The following MGST1 variants were observed in gnomAD, a reference collection of about 807,000 sequenced individuals.
MGST1 encodes the protein microsomal glutathione S-transferase 1, also known as glutathione S-transferase 12.
MGST1 carries 5 observed loss-of-function variants against 8.9 expected under a neutral mutation model. That is an observed-to-expected ratio of 0.56 (90% confidence interval 0.29 to 1.19). The LOEUF is 1.19. MGST1 is among the 50% of genes most tolerant of loss of function. MGST1 has a pLI of 0.08. For missense variants in MGST1, 182 were observed against 187.4 expected (o/e 0.97, Z 0.17); for synonymous variants, 54 against 67.8 (o/e 0.80, Z 1.00).
downstream of MGST1, among the ~76,000 whole-genome samples, chr12:16,382,122 C>G (rs183053020): frequency 4.8e-3 from 726 of 152,252 alleles, 6 homozygotes; most frequent in Admixed American, 7.2e-3. Context: ...TCATCTGAAG[C>G]CTTCTTCTCT....
rs574426853 is a variant in MGST1 at position 16,421,175 on chromosome 12, C to T, written n.779-16213C>T. ...TATACCCGTGGCTGCTGCACATATCCATTTATCAATAAATTTGGGGAAGGG... is the reference window on the plus strand; with the variant it reads ...TATACCCGTGGCTGCTGCACATATCTATTTATCAATAAATTTGGGGAAGGG... On this transcript the variant is annotated intron_variant and non_coding_transcript_variant, in intron 1 of 1. Coordinates refer to the MGST1 transcript ENST00000359720. 1.4e-3 allele frequency among the ~76,000 whole-genome samples: 212 copies of T among 152,204 alleles called. 1 individual carries two copies. The highest frequency in any genetic ancestry group is 2.5e-3 in the Non-Finnish European group (173 of 68,010).
intron 1 of MGST1, among the ~76,000 whole-genome samples, chr12:16,398,448 C>T (rs1319489035): frequency 6.6e-6 from 1 of 151,980 alleles, no homozygotes; most frequent in Non-Finnish European, 1.5e-5. Flanking sequence ...ATTCTAGGCC[C>T]AAGGCATGAC....
At chr12:16,484,786 A>T (rs758760064) in intron 4 of MGST1, among the ~76,000 whole-genome samples, 1 of 151,000 alleles carries the variant, frequency 6.6e-6, no homozygotes, top group Non-Finnish European at 1.5e-5. Context: ...AACACTGGGG[A>T]TTACAATGTG....
rs1258843172 is a variant in MGST1, at chr12:16,389,945, G to A, written n.778+6341G>A. On this transcript the variant is annotated intron_variant and non_coding_transcript_variant, in intron 1 of 1. Transcript: ENST00000359720. The surrounding 1 kb of genome is among the most constrained non-coding windows in gnomAD (Gnocchi z 4.6). The stretch of plus-strand genomic sequence containing the variant: ...AAAGAGAGCAATGCTCTTGTGAAAA[G>A]GGAGTTGAAGTGCAATACAGACTGC... 6.6e-6 allele frequency among the ~76,000 whole-genome samples: 1 copy of A among 152,196 alleles called. No homozygotes were observed. Among genetic ancestry groups the A allele is most frequent in the African/African-American group, 2.4e-5 (1 of 41,444 alleles).
intron 3 of MGST1, among the ~76,000 whole-genome samples, chr12:16,371,144 T>C (rs1437754309): frequency 6.6e-6 from 1 of 152,120 alleles, no homozygotes; most frequent in South Asian, 2.1e-4. Flanking sequence ...GTGCTAGTAG[T>C]TGATGGTGGG....
At chr12:16,530,565 G>A (rs531913637) in intron 4 of MGST1, among the ~76,000 whole-genome samples, 16 of 152,276 alleles carry the variant, frequency 1.1e-4, no homozygotes, top group Admixed American at 6.5e-4. Context: ...TGGCAAATGG[G>A]AAAGAAGTGA....
At position 16,410,520 on chromosome 12, in the gene MGST1, A is replaced by G. The variant is rs1208680387; in HGVS notation, n.779-26868A>G. Among the ~76,000 whole-genome samples the G allele has an allele frequency of 6.6e-6, 1 of 150,826 alleles. No homozygotes were observed. Among genetic ancestry groups the G allele is most frequent in the Non-Finnish European group, 1.5e-5 (1 of 67,764 alleles). On this transcript the variant is annotated intron_variant and non_coding_transcript_variant, in intron 1 of 1. Coordinates refer to the MGST1 transcript ENST00000359720. The surrounding 1 kb of genome is among the most constrained non-coding windows in gnomAD (Gnocchi z 4.4). ...GCATATATGTTGGTATATATTGCAT[A>G]TATGTGTATATATTTGATTATATAT... is the stretch of plus-strand genomic sequence containing the variant.
exon 2 of MGST1, chr12:16,438,221 C>T (rs1042440628): frequency 7.9e-5 from 12 of 151,910 alleles, no homozygotes; most frequent in African/African-American, 2.9e-4. Context: ...CAACCCACAT[C>T]CTGTCTGGCC....
chr12:16,387,358 C>T (rs997561835), intron 1 of MGST1, among the ~76,000 whole-genome samples: 1 of 152,014 alleles, frequency 6.6e-6, no homozygotes, highest in Non-Finnish European at 1.5e-5. Context: ...CATTACTCCC[C>T]TCTTTATGTT....
rs192250432 is a variant in MGST1, at chr12:16,541,898, C to T, written n.483-47630C>T. On this transcript the variant is annotated intron_variant and non_coding_transcript_variant, in intron 4 of 4. Coordinates refer to the MGST1 transcript ENST00000538857. ...TGCTTTTGACTACATGTAACAGAAA[C>T]CCAACCAGAGTAACAAAAGTAAGTC... 1.9e-3 allele frequency among the ~76,000 whole-genome samples: 288 copies of T among 152,230 alleles called. 2 individuals are homozygous for T. The highest frequency in any genetic ancestry group is 6.6e-3 in the African/African-American group (275 of 41,532).
At chr12:16,430,781 G>C (rs1940931924) in intron 1 of MGST1, among the ~76,000 whole-genome samples, 1 of 152,096 alleles carries the variant, frequency 6.6e-6, no homozygotes, top group African/African-American at 2.4e-5. Context: ...AATAGTAAAT[G>C]AGCATTAGCT....
At chr12:16,457,886 G>A (rs1312731866) in intron 4 of MGST1, among the ~76,000 whole-genome samples, 1 of 151,954 alleles carries the variant, frequency 6.6e-6, no homozygotes, top group Non-Finnish European at 1.5e-5. Flanking sequence ...TTGAAACAAT[G>A]TGCTGCTTAA....
chr12:16,590,950 A>T (rs1428491318), downstream of MGST1, among the ~76,000 whole-genome samples: 1 of 152,100 alleles, frequency 6.6e-6, no homozygotes, highest in Admixed American at 6.6e-5. Context: ...ATCCAAAAAA[A>T]CTTCCAGTAA....
intron 1 of MGST1, among the ~76,000 whole-genome samples, chr12:16,430,004 G>A (rs1336748499): frequency 1.3e-5 from 2 of 152,136 alleles, no homozygotes; most frequent in Non-Finnish European, 2.9e-5. Flanking sequence ...CCCTTTTGCT[G>A]CTTTATCAAC....
At chr12:16,376,446 G>A in exon 4 of MGST1, 1 of 222,510 alleles carries the variant, frequency 4.5e-6, no homozygotes, top group Non-Finnish European at 8.8e-6. Context: ...AAAATGCAAA[G>A]GATTAAAATA....
intron 4 of MGST1, among the ~76,000 whole-genome samples, chr12:16,570,801 A>G (rs1346441975): frequency 1.3e-5 from 2 of 152,210 alleles, no homozygotes; most frequent in Non-Finnish European, 2.9e-5. Flanking sequence ...AAAGTTATCA[A>G]ATCACTTACC....
intron 4 of MGST1, among the ~76,000 whole-genome samples, chr12:16,492,703 T>G (rs956494363): frequency 1.3e-5 from 2 of 152,164 alleles, no homozygotes; most frequent in Non-Finnish European, 2.9e-5. Context: ...CTAAAGATTT[T>G]TTTAAAAAGG....
intron 1 of MGST1, among the ~76,000 whole-genome samples, chr12:16,414,178 A>G (rs1591721002): frequency 6.6e-6 from 1 of 151,776 alleles, no homozygotes; most frequent in South Asian, 2.1e-4. Flanking sequence ...TTCCTGTGGA[A>G]TATCAATTTT....
At chr12:16,438,949 A>G (rs563479661), downstream of MGST1, among the ~76,000 whole-genome samples, 7 of 152,010 alleles carry the variant, frequency 4.6e-5, no homozygotes, top group South Asian at 1.4e-3. Context: ...TACTGGGGGC[A>G]GTATTTATTC....
Sources: allele counts gnomAD v4.1 joint callset (sites outside exome capture counted in the v4.1 genomes callset), GRCh38; gene constraint gnomAD v4.1.1; non-coding constraint Gnocchi (gnomAD v3.1); transcripts MANE v1.5; gene names NCBI Gene and HGNC (gene_info 2026-07-23, HGNC 2026-07-21).